The following UTRN variants were observed in gnomAD, a reference collection of about 807,000 sequenced individuals.
UTRN encodes the protein utrophin.
Under a neutral mutation model 463.9 loss-of-function variants are expected in UTRN, and 283 were observed. The observed-to-expected ratio is 0.61, with a 90% confidence interval of 0.55 to 0.67. The LOEUF (loss-of-function observed/expected upper bound fraction) is 0.67, where lower values mean the gene tolerates loss of function less well. Ranked by LOEUF, UTRN falls within the 30% of genes least tolerant of loss-of-function variation. UTRN has a pLI of 0.00. For missense variants in UTRN, 3,922 were observed against 4,084.3 expected, an observed-to-expected ratio of 0.96 and a Z score of 1.08; for synonymous variants, 1,442 against 1,431.5, an observed-to-expected ratio of 1.01 and a Z score of -0.17.
intron 53 of UTRN, among the ~76,000 whole-genome samples, chr6:144,709,197 C>G (rs1298433880): frequency 6.6e-6 from 1 of 152,154 alleles, no homozygotes; most frequent in African/African-American, 2.4e-5. Flanking sequence ...TATTTCCAAT[C>G]TCTTCTTTAA....
chr6:144,827,459 C>G, intron 67 of UTRN, 73 bp downstream of exon 67: 1 of 1,607,166 alleles, frequency 6.2e-7, no homozygotes, highest in African/African-American at 1.3e-5. Flanking sequence ...TTACTAAACT[C>G]TTGGTCTAAA....
At chr6:144,615,139 A>G (rs1281169359) in intron 51 of UTRN, among the ~76,000 whole-genome samples, 1 of 152,168 alleles carries the variant, frequency 6.6e-6, no homozygotes, top group Non-Finnish European at 1.5e-5. Flanking sequence ...AACTGTTCAG[A>G]AATACTTACA....
At chr6:144,698,615 C>T (rs73780410) in intron 52 of UTRN, among the ~76,000 whole-genome samples, 9,343 of 152,230 alleles carry the variant, frequency 0.061, 1,014 homozygotes, top group African/African-American at 0.21. Flanking sequence ...AAGCCCAGTT[C>T]GATTCCTTGA....
In UTRN at chr6:144,554,832, G is replaced by C; in HGVS notation, c.7073G>C (p.Arg2358Pro). 1 of 1,613,868 alleles carries C rather than the reference G, an allele frequency of 6.2e-7. No individual in the cohort carries two copies. ...GAACTGATGAGAAAATATGAGGCTC[G>C]ACTCTATATTCTTCAGCAAGCCCGA... ...TEELMRKYEA[R>P]LYILQQARRD... Residue 2358 changes from arginine (R) to proline (P), a missense_variant, in exon 49 of 75, where the codon CGA becomes CCA. Physicochemically the swap from Arg to Pro is moderately radical, Grantham distance 103. Coordinates refer to ENST00000367545, the MANE Select transcript of UTRN (RefSeq NM_007124.3).
intron 51 of UTRN, among the ~76,000 whole-genome samples, chr6:144,633,316 GC>G (rs1211230974): frequency 4.1e-5 from 6 of 146,724 alleles, no homozygotes; most frequent in African/African-American, 1.5e-4. Flanking sequence ...TGCAAGCTCC[GC>G]CTCCCGGGTT....
intron 5 of UTRN, 105 bp downstream of exon 5, chr6:144,423,731 C>T (rs1009249610): frequency 7.4e-7 from 1 of 1,351,994 alleles, no homozygotes; most frequent in African/African-American, 1.5e-5. Flanking sequence ...TTCTTGCAAA[C>T]ATTTTTTCTT....
At chr6:144,375,794 G>T (rs1780402937) in intron 2 of UTRN, among the ~76,000 whole-genome samples, 1 of 152,114 alleles carries the variant, frequency 6.6e-6, no homozygotes, top group Admixed American at 6.5e-5. Flanking sequence ...TCCATTGAAG[G>T]CCTTAGATGT....
chr6:144,570,297 G>A (rs1033950378), intron 50 of UTRN, among the ~76,000 whole-genome samples: 4 of 152,146 alleles, frequency 2.6e-5, no homozygotes, highest in African/African-American at 2.4e-5. Flanking sequence ...GTCTGGATGC[G>A]ACAGAGGCAG....
chr6:144,522,570 C>T (rs1796200504), intron 40 of UTRN, among the ~76,000 whole-genome samples: 1 of 152,094 alleles, frequency 6.6e-6, no homozygotes, highest in African/African-American at 2.4e-5. Flanking sequence ...GTTAATTAAA[C>T]TTAAATTCTA....
chr6:144,445,913 C>A (rs898684873), intron 14 of UTRN, among the ~76,000 whole-genome samples: 1 of 151,968 alleles, frequency 6.6e-6, no homozygotes, highest in Non-Finnish European at 1.5e-5. Context: ...GTAATCCCAG[C>A]CACTCAGGAG....
At chr6:144,451,219 A>G in intron 17 of UTRN, 151 bp from the exon 18 acceptor site, 1 of 685,442 alleles carries the variant, frequency 1.5e-6, no homozygotes, top group Non-Finnish European at 2.3e-6. Context: ...ATATGATCTC[A>G]TTTTGCATGG....
intron 50 of UTRN, among the ~76,000 whole-genome samples, chr6:144,568,818 C>A (rs945793909): frequency 1.3e-5 from 2 of 151,892 alleles, no homozygotes; most frequent in African/African-American, 2.4e-5. Context: ...CAGTACAAGC[C>A]CCTTATTTTA....
intron 66 of UTRN, among the ~76,000 whole-genome samples, chr6:144,824,564 C>A (rs1779918061): frequency 9.2e-5 from 6 of 65,434 alleles, no homozygotes; most frequent in East Asian, 4.4e-4. Flanking sequence ...ATTAATATAG[C>A]ATTTTATTTA....
chr6:144,466,575 C>T (rs529017784), intron 23 of UTRN, among the ~76,000 whole-genome samples: 1 of 152,322 alleles, frequency 6.6e-6, no homozygotes, highest in Admixed American at 6.5e-5. Context: ...TATACCCCTT[C>T]CAGGTGACAA....
intron 51 of UTRN, among the ~76,000 whole-genome samples, chr6:144,676,528 T>G (rs984498945): frequency 6.7e-6 from 1 of 149,032 alleles, no homozygotes; most frequent in Non-Finnish European, 1.5e-5. Flanking sequence ...TAAAAGTTTG[T>G]TTTTTTTTTA....
At chr6:144,762,583 C>T (rs1792831759) in intron 58 of UTRN, among the ~76,000 whole-genome samples, 1 of 152,176 alleles carries the variant, frequency 6.6e-6, no homozygotes, top group African/African-American at 2.4e-5. Context: ...CAGTTTCACA[C>T]TGTGGTCTGG....
chr6:144,834,857 G>A (rs941881155), intron 69 of UTRN, among the ~76,000 whole-genome samples: 4 of 152,178 alleles, frequency 2.6e-5, no homozygotes, highest in African/African-American at 9.7e-5. Context: ...CTACATAACT[G>A]ACATGAGGTT....
chr6:144,362,283 T>G (rs7756188), intron 2 of UTRN, among the ~76,000 whole-genome samples: 4,416 of 152,266 alleles, frequency 0.029, 209 homozygotes, highest in African/African-American at 0.099. Context: ...GCCCATCCGG[T>G]GGCACCCAGT....
intron 34 of UTRN, among the ~76,000 whole-genome samples, chr6:144,503,952 C>A (rs917757682): frequency 6.6e-6 from 1 of 152,022 alleles, no homozygotes; most frequent in African/African-American, 2.4e-5. Flanking sequence ...CCTTGAAGAG[C>A]TCCTTCACAT....
Sources: gnomAD v4.1 joint callset for allele counts (sites outside exome capture counted in the v4.1 genomes callset) on GRCh38, gnomAD v4.1.1 for gene constraint, MANE v1.5 for transcripts, NCBI Gene and HGNC (gene_info 2026-07-23, HGNC 2026-07-21) for gene names.